The following EIF2A variants were observed in gnomAD, a reference collection of about 807,000 sequenced individuals.
EIF2A encodes 65 kDa eukaryotic translation initiation factor 2A.
Under a neutral mutation model 75.2 loss-of-function variants are expected in EIF2A, and 62 were observed. The observed-to-expected ratio is 0.82, with a 90% CI of 0.67 to 1.02. The LOEUF (loss-of-function observed/expected upper bound fraction) is 1.02. EIF2A is among the 50% of genes least tolerant of loss of function. The probability of loss-of-function intolerance (pLI) is 0.00; values close to 1 mark genes in which losing one functional copy is unlikely to be tolerated. For missense variants in EIF2A, 611 were observed against 677.7 expected (o/e 0.90, Z 1.09); for synonymous variants, 207 against 239.0 (o/e 0.87, Z 1.23).
In EIF2A at chr3:150,584,807, G is replaced by C. The variant is rs761684936; in HGVS notation, c.*896G>C. The stretch of plus-strand genomic sequence containing the variant: ...GTTTGACTTTCTTCTTAATTTGTAA[G>C]AGTATCCTATGTAGTAACAAAATCC... On this transcript the variant is annotated 3_prime_UTR_variant, in exon 14 of 14. Transcript: ENST00000460851. Among the ~76,000 whole-genome samples, 18 of 151,792 alleles carry C rather than the reference G, an allele frequency of 1.2e-4. No individual in the cohort carries two copies. Among genetic ancestry groups the C allele is most frequent in the Non-Finnish European group, 1.8e-4 (12 of 67,948 alleles).
At chr3:150,555,424 ATTT>A (rs1369095647) in intron 2 of EIF2A, among the ~76,000 whole-genome samples, 1 of 151,004 alleles carries the variant, frequency 6.6e-6, no homozygotes, top group African/African-American at 2.4e-5. Flanking sequence ...ACCTGGCTAA[ATTT>A]TTTTATTTTT....
chr3:150,583,374 T>C, intron 13 of EIF2A, 109 bp downstream of exon 13: 1 of 1,013,998 alleles, frequency 9.9e-7, no homozygotes. Flanking sequence ...TAAAAACTTA[T>C]TTTGAAAACC....
intron 2 of EIF2A, among the ~76,000 whole-genome samples, chr3:150,556,392 G>T (rs1559875427): frequency 6.6e-6 from 1 of 152,146 alleles, no homozygotes; most frequent in Non-Finnish European, 1.5e-5. Context: ...CTGCACAATA[G>T]AATGACCTGG....
At chr3:150,574,355 C>T (rs993307608) in intron 10 of EIF2A, among the ~76,000 whole-genome samples, 2 of 152,088 alleles carry the variant, frequency 1.3e-5, no homozygotes, top group African/African-American at 4.8e-5. Flanking sequence ...ACATGATGCT[C>T]ATAAGCGTGG....
At chr3:150,575,069 T>C (rs1724779933) in intron 10 of EIF2A, among the ~76,000 whole-genome samples, 1 of 152,238 alleles carries the variant, frequency 6.6e-6, no homozygotes, top group Admixed American at 6.5e-5. Context: ...TTGTCTTCAT[T>C]GTGTAATCTG....
At chr3:150,546,949 G>A (rs1267648210) in intron 1 of EIF2A, 119 bp downstream of exon 1, 2 of 1,413,666 alleles carry the variant, frequency 1.4e-6, no homozygotes, top group Non-Finnish European at 9.7e-7. Flanking sequence ...TGTGGCTTGC[G>A]GAAAGGCCAG....
chr3:150,556,867 A>G (rs1055194147), intron 2 of EIF2A, among the ~76,000 whole-genome samples: 1 of 152,216 alleles, frequency 6.6e-6, no homozygotes, highest in East Asian at 1.9e-4. Flanking sequence ...GAGCTTCCTA[A>G]GAACAAATTG....
intron 2 of EIF2A, chr3:150,557,586 G>A (rs982666198): frequency 3.2e-5 from 9 of 277,570 alleles, no homozygotes; most frequent in Non-Finnish European, 6.5e-5. Context: ...TTTTATTAGA[G>A]ACAGGGTTTC....
intron 11 of EIF2A, among the ~76,000 whole-genome samples, chr3:150,580,848 A>T (rs1160535734): frequency 1.3e-5 from 2 of 152,210 alleles, no homozygotes; most frequent in Non-Finnish European, 2.9e-5. Context: ...GAGCGAATAC[A>T]CTGTGGATAC....
chr3:150,550,954 A>C (rs754091349), intron 1 of EIF2A, among the ~76,000 whole-genome samples: 3 of 152,184 alleles, frequency 2.0e-5, no homozygotes, highest in Non-Finnish European at 4.4e-5. Context: ...CACCACGCCT[A>C]GCCTGAGCCC....
rs778319805 is a variant in EIF2A at position 150,581,608 on chromosome 3, T to C, written c.1498-10T>C. 2.6e-6 allele frequency: 4 copies of C among 1,547,988 alleles called. No individual in the cohort carries two copies. The African/African-American group carries it at 5.5e-5, about 21-fold the overall frequency. On this transcript the variant is annotated splice_polypyrimidine_tract_variant and intron_variant, in intron 11 of 13. Transcript: ENST00000460851. Reference sequence around the variant, plus strand: ...TTTTAAAATTGAATTTAAAAAAATATTTCCTGCAGGAAGCAAGAAGTGACA... The same window carrying C: ...TTTTAAAATTGAATTTAAAAAAATACTTCCTGCAGGAAGCAAGAAGTGACA...
In EIF2A at chr3:150,564,365, T is replaced by G. The variant is rs767404418; in HGVS notation, c.459T>G (p.Phe153Leu). 1 of 1,600,714 alleles carries G rather than the reference T, an allele frequency of 6.2e-7. No individual in the cohort carries two copies. The highest frequency in any genetic ancestry group is 8.5e-7 in the Non-Finnish European group (1 of 1,174,262). Reference sequence around the variant, plus strand: ...ATGTTAACAATGAAGTTCACTTCTTTGAAAACAACAATTTTAGTATGGAAA... The same window carrying G: ...ATGTTAACAATGAAGTTCACTTCTTGGAAAACAACAATTTTAGTATGGAAA... ...ARNVNNEVHF[F>L]ENNNFNTIAN... Residue 153 changes from phenylalanine to leucine, a missense_variant, in exon 6 of 14, where the codon TTT becomes TTG. Coordinates refer to ENST00000460851, the MANE Select transcript of EIF2A (RefSeq NM_032025.5).
rs780773491 is a variant in EIF2A, at chr3:150,552,443, AAGTAATGT to A, written c.98+19_98+26del. 3.2e-6 allele frequency: 5 copies of A among 1,547,492 alleles called. No homozygotes were observed. The highest frequency in any genetic ancestry group is 4.4e-6 in the Non-Finnish European group (5 of 1,143,674). ...TTTCCAAGGTATGATTTATTTTGTT[AAGTAATGT>A]TATAGGGAACATACAGTACAATCTA... On this transcript the variant is annotated intron_variant, in intron 2 of 13. Coordinates refer to ENST00000460851, the MANE Select transcript of EIF2A (RefSeq NM_032025.5).
intron 4 of EIF2A, 50 bp downstream of exon 4, chr3:150,562,710 A>G: frequency 1.4e-6 from 2 of 1,383,314 alleles, no homozygotes; most frequent in Non-Finnish European, 2.0e-6. Context: ...AATTACGTTT[A>G]GTGGGGGGGA....
At chr3:150,552,224 T>C (rs1448561529) in intron 1 of EIF2A, 132 bp from the exon 2 acceptor site, 9 of 713,578 alleles carry the variant, frequency 1.3e-5, no homozygotes, top group Admixed American at 3.0e-5. Context: ...TTGCTAATAT[T>C]CTATAGTTCA....
At chr3:150,560,666 C>T (rs1271847898) in intron 3 of EIF2A, among the ~76,000 whole-genome samples, 1 of 150,618 alleles carries the variant, frequency 6.6e-6, no homozygotes, top group Non-Finnish European at 1.5e-5. Flanking sequence ...TTCCTCAAAC[C>T]TGAGTAGAAC....
At chr3:150,561,648 A>G (rs753801211) in intron 3 of EIF2A, among the ~76,000 whole-genome samples, 1 of 152,106 alleles carries the variant, frequency 6.6e-6, no homozygotes, top group Non-Finnish European at 1.5e-5. Context: ...TTGGTTTGAT[A>G]GACCTCAGCT....
chr3:150,575,818 G>A, intron 11 of EIF2A, 56 bp downstream of exon 11: 1 of 1,445,452 alleles, frequency 6.9e-7, no homozygotes, highest in Non-Finnish European at 9.4e-7. Context: ...GCCGGGCGCA[G>A]TGGCTCACGC....
chr3:150,578,409 T>G (rs1724992325), intron 11 of EIF2A, among the ~76,000 whole-genome samples: 1 of 149,118 alleles, frequency 6.7e-6, no homozygotes, highest in African/African-American at 2.4e-5. Context: ...AATTTCACAT[T>G]TAATTAATAT....
Sources: gnomAD v4.1 joint callset for allele counts (sites outside exome capture counted in the v4.1 genomes callset) on GRCh38, gnomAD v4.1.1 for gene constraint, MANE v1.5 for transcripts, NCBI Gene and HGNC (gene_info 2026-07-23, HGNC 2026-07-21) for gene names.